The following CNST variants were observed in gnomAD, a reference collection of about 807,000 sequenced individuals.
The protein encoded by CNST is consortin.
In CNST, 39 loss-of-function variants were observed where a neutral mutation model predicts 72.4. The ratio of observed to expected loss-of-function variants is 0.54; its 90% CI spans 0.42 to 0.70. The LOEUF (loss-of-function observed/expected upper bound fraction) is 0.70. CNST is among the 30% of genes least tolerant of loss of function. CNST has a pLI of 0.00. For synonymous variants in CNST, 332 were observed against 320.1 expected (o/e 1.04, Z -0.40); for missense variants, 871 against 868.5 (o/e 1.00, Z -0.04).
At chr1:246,608,586 T>A (rs1663084261) in intron 2 of CNST, among the ~76,000 whole-genome samples, 1 of 152,216 alleles carries the variant, frequency 6.6e-6, no homozygotes, top group South Asian at 2.1e-4. Flanking sequence ...TGAAGCAGGC[T>A]CTAGACAGTG....
At chr1:246,638,692 C>T (rs529297746) in intron 6 of CNST, among the ~76,000 whole-genome samples, 15 of 152,130 alleles carry the variant, frequency 9.9e-5, no homozygotes, top group East Asian at 1.9e-4. Flanking sequence ...GCCAGCATGT[C>T]GGCATCCTTG....
At position 246,591,830 on chromosome 1, in the gene CNST, A is replaced by G. The variant is rs865815316; in HGVS notation, c.268A>G (p.Thr90Ala). ...EVAAGENLQNTLCEASRDEQA... is the reference protein window; with the variant it reads ...EVAAGENLQNALCEASRDEQA... ...GGCTGCAGGTGAGAACTTGCAAAAC[A>G]CCCTTTGTGAAGCCTCCAGAGATGA... Residue 90 changes from threonine (T) to alanine (A), a missense_variant, in exon 2 of 11, where the codon ACC (threonine) becomes GCC (alanine). Transcript: ENST00000366513. 1 of 1,613,906 alleles carries G rather than the reference A, an allele frequency of 6.2e-7. No homozygotes were observed. The highest frequency in any genetic ancestry group is 1.7e-4 in the Middle Eastern group (1 of 6,058).
At position 246,610,441 on chromosome 1, in the gene CNST, A is replaced by T. The variant is rs139522559; in HGVS notation, c.380-10988A>T. On this transcript the variant is annotated intron_variant, in intron 2 of 10. Transcript: ENST00000366513. ...TTGATTTAAATTCTTTGCCCAGGAA[A>T]TTCAATGTCTCGGCTTCTTCCGGGA... Among the ~76,000 whole-genome samples, 321 of 152,278 alleles carry T rather than the reference A, an allele frequency of 2.1e-3. 3 individuals are homozygous for T. The highest frequency in any genetic ancestry group is 7.4e-3 in the African/African-American group (309 of 41,548).
chr1:246,664,460 C>T (rs918404504), intron 10 of CNST, among the ~76,000 whole-genome samples: 12 of 151,650 alleles, frequency 7.9e-5, no homozygotes, highest in Admixed American at 3.9e-4. Context: ...GGAGTCTCGC[C>T]CTGTGGCCCA....
At chr1:246,580,581 G>A (rs1660716012) in intron 1 of CNST, among the ~76,000 whole-genome samples, 1 of 152,122 alleles carries the variant, frequency 6.6e-6, no homozygotes, top group South Asian at 2.1e-4. Context: ...ACAGTACTTT[G>A]TTCATAGCAG....
At chr1:246,644,530 C>T (rs1665926200) in intron 8 of CNST, among the ~76,000 whole-genome samples, 2 of 152,206 alleles carry the variant, frequency 1.3e-5, no homozygotes, top group Admixed American at 1.3e-4. Flanking sequence ...GCTGGGAACA[C>T]TGTCTGCTCC....
At chr1:246,652,920 C>T (rs963710467) in intron 9 of CNST, among the ~76,000 whole-genome samples, 13 of 149,480 alleles carry the variant, frequency 8.7e-5, no homozygotes, top group Non-Finnish European at 1.3e-4. Flanking sequence ...AGGAGAATGG[C>T]GTGAACCTGG....
rs1010824828 is a variant in CNST, at chr1:246,618,828, C to A, written c.380-2601C>A. Reference sequence around the variant, plus strand: ...TACAAATCGATGCTAACTAAATAACCGAGATAACCACGATGCAGGTTGCCG... The same window carrying A: ...TACAAATCGATGCTAACTAAATAACAGAGATAACCACGATGCAGGTTGCCG... On this transcript the variant is annotated intron_variant, in intron 2 of 10. Transcript: ENST00000366513. 3.9e-5 allele frequency among the ~76,000 whole-genome samples: 6 copies of A among 152,224 alleles called. No homozygotes were observed. In the East Asian group the frequency reaches 1.2e-3, roughly 29 times the overall value.
chr1:246,634,783 A>C (rs148817987), intron 6 of CNST, among the ~76,000 whole-genome samples, 196 bp downstream of exon 6: 10,480 of 152,310 alleles, frequency 0.069, 577 homozygotes, highest in East Asian at 0.21. Flanking sequence ...GGTGTGGAGC[A>C]TCACGCTGTT....
At chr1:246,576,141 A>C (rs961716696) in intron 1 of CNST, among the ~76,000 whole-genome samples, 3 of 143,170 alleles carry the variant, frequency 2.1e-5, no homozygotes, top group Non-Finnish European at 4.5e-5. Context: ...AGGCTGAGGC[A>C]GGAGAATTGG....
intron 1 of CNST, among the ~76,000 whole-genome samples, chr1:246,583,463 G>A (rs777359893): frequency 3.3e-5 from 5 of 152,188 alleles, no homozygotes; most frequent in East Asian, 1.9e-4. Context: ...TAGACATAGC[G>A]TATAATTCAT....
chr1:246,614,421 T>C (rs1036330226), intron 2 of CNST, among the ~76,000 whole-genome samples: 1 of 152,162 alleles, frequency 6.6e-6, no homozygotes, highest in African/African-American at 2.4e-5. Context: ...GCTTAACCTG[T>C]ATCATCGTAT....
At chr1:246,580,400 G>A (rs1198199183) in intron 1 of CNST, among the ~76,000 whole-genome samples, 1 of 151,700 alleles carries the variant, frequency 6.6e-6, no homozygotes. Flanking sequence ...ACAGACAGTT[G>A]GACATTATTT....
chr1:246,634,395 T>A (rs1275085933), intron 5 of CNST, 78 bp from the exon 6 acceptor site: 1 of 754,066 alleles, frequency 1.3e-6, no homozygotes, highest in South Asian at 1.9e-5. Context: ...TGAGTGGTGC[T>A]AGTTAACTGT....
At chr1:246,612,282 A>G (rs890220032) in intron 2 of CNST, among the ~76,000 whole-genome samples, 1 of 152,104 alleles carries the variant, frequency 6.6e-6, no homozygotes, top group Non-Finnish European at 1.5e-5. Context: ...GCTCACTGCA[A>G]CCTCCACCTC....
chr1:246,641,617 G>A, intron 6 of CNST, 132 bp from the exon 7 acceptor site: 1 of 620,796 alleles, frequency 1.6e-6, no homozygotes. Context: ...TTTCAGCCGT[G>A]GAAATGTTCT....
At chr1:246,641,706 T>C in intron 6 of CNST, 43 bp from the exon 7 acceptor site, 1 of 1,117,406 alleles carries the variant, frequency 8.9e-7, no homozygotes, top group Non-Finnish European at 1.3e-6. Context: ...ATATTGCTGC[T>C]GTAATTTTTT....
At chr1:246,587,871 C>T (rs1572133032) in intron 1 of CNST, among the ~76,000 whole-genome samples, 1 of 152,146 alleles carries the variant, frequency 6.6e-6, no homozygotes, top group East Asian at 1.9e-4. Flanking sequence ...ACTTTATCTG[C>T]CCCAAGGTTT....
At chr1:246,607,298 C>T (rs1439802102) in intron 2 of CNST, 1 of 152,036 alleles carries the variant, frequency 6.6e-6, no homozygotes, top group African/African-American at 2.4e-5. Flanking sequence ...ACTGTTCACT[C>T]CTGCGGGCTC....
Sources: gnomAD v4.1 joint callset for allele counts (sites outside exome capture counted in the v4.1 genomes callset) on GRCh38, gnomAD v4.1.1 for gene constraint, MANE v1.5 for transcripts, NCBI Gene and HGNC (gene_info 2026-07-23, HGNC 2026-07-21) for gene names.